LRP12: variants seen among roughly 807,000 people sequenced by gnomAD.
LRP12 encodes LDL receptor related protein 12, also known as low-density lipoprotein receptor-related protein 12.
In LRP12, 14 loss-of-function variants were observed where a neutral mutation model predicts 66.0. The ratio of observed to expected loss-of-function variants is 0.21; its 90% confidence interval spans 0.14 to 0.33. The LOEUF (loss-of-function observed/expected upper bound fraction) is 0.33, where lower values mean the gene tolerates loss of function less well. LRP12 is among the 10% of genes least tolerant of loss of function. The probability of loss-of-function intolerance (pLI) is 1.00; values close to 1 mark genes in which losing one functional copy is unlikely to be tolerated. For missense variants in LRP12, 889 were observed against 1,053.4 expected, an observed-to-expected ratio of 0.84 and a Z score of 2.16; for synonymous variants, 357 against 359.1, an observed-to-expected ratio of 0.99 and a Z score of 0.07.
Position 104,497,769 on chromosome 8 carries a change from T to C in LRP12, c.783A>G (p.Gln261=), listed in dbSNP as rs1564129302. The change falls in exon 5 of 7, where the codon CAA becomes CAG. Residue 261 remains glutamine, a synonymous_variant. Coordinates refer to ENST00000276654, the MANE Select transcript of LRP12 (RefSeq NM_013437.5). The surrounding 1 kb of genome is among the most constrained non-coding windows in gnomAD (Gnocchi z 4.3). ...EIDCDVPTCG[Q]WLKYFYGTFN... Reference sequence around the variant, plus strand: ...AAGTACCATAAAAATATTTTAGCCATTGCCCACATGTTGGCACATCACAGT... The same window carrying C: ...AAGTACCATAAAAATATTTTAGCCACTGCCCACATGTTGGCACATCACAGT... 1.2e-6 allele frequency: 2 copies of C among 1,613,994 alleles called. No individual in the cohort carries two copies. Among genetic ancestry groups the C allele is most frequent in the Non-Finnish European group, 1.7e-6 (2 of 1,179,960 alleles).
intron 5 of LRP12, chr8:104,495,933 A>G (rs1300153278): frequency 3.6e-5 from 4 of 112,536 alleles, no homozygotes; most frequent in East Asian, 2.2e-4. Flanking sequence ...AACAAACAAC[A>G]AAAAAAAAAA....
intron 1 of LRP12, among the ~76,000 whole-genome samples, chr8:104,548,274 T>TCG (rs1811646840): frequency 1.1e-5 from 1 of 89,360 alleles, no homozygotes; most frequent in Non-Finnish European, 1.8e-5. Context: ...ATGATATATA[T>TCG]TATATTAATA....
chr8:104,584,114 T>C (rs924330494), intron 1 of LRP12, among the ~76,000 whole-genome samples: 1 of 152,024 alleles, frequency 6.6e-6, no homozygotes, highest in African/African-American at 2.4e-5. Context: ...GTACATCTAT[T>C]ACTTAACTCT....
rs537478083 is a variant in LRP12, at chr8:104,550,462, T to C, written c.80-18499A>G. Among the ~76,000 whole-genome samples, 4 of 152,314 alleles carry C rather than the reference T, an allele frequency of 2.6e-5. No homozygotes were observed. The South Asian group carries it at 8.3e-4, about 32-fold the overall frequency. On this transcript the variant is annotated intron_variant, in intron 1 of 6. Transcript: ENST00000276654. ...CTTTTAACTTTCTACTGTACAGTTT[T>C]GCCTTAATGTCCTAGGTATCTCAAA... is the stretch of plus-strand genomic sequence containing the variant.
chr8:104,500,377 T>G (rs1810807034), intron 3 of LRP12, among the ~76,000 whole-genome samples: 1 of 152,212 alleles, frequency 6.6e-6, no homozygotes, highest in East Asian at 1.9e-4. Flanking sequence ...ATAGACAATT[T>G]GATTGTTTCC....
At chr8:104,515,253 C>G (rs1350453878) in intron 2 of LRP12, among the ~76,000 whole-genome samples, 1 of 152,172 alleles carries the variant, frequency 6.6e-6, no homozygotes, top group Non-Finnish European at 1.5e-5. Flanking sequence ...CATACCTTTT[C>G]TATTGCTTAA....
At chr8:104,541,518 C>T (rs981380746) in intron 1 of LRP12, among the ~76,000 whole-genome samples, 3 of 152,154 alleles carry the variant, frequency 2.0e-5, no homozygotes, top group African/African-American at 7.2e-5. Flanking sequence ...TTTTATATCA[C>T]GAACTTCATC....
At chr8:104,531,792 C>T in intron 2 of LRP12, 115 bp downstream of exon 2, 1 of 703,556 alleles carries the variant, frequency 1.4e-6, no homozygotes, top group Non-Finnish European at 2.5e-6. Flanking sequence ...TTACATGCTG[C>T]AAAAAGCAGT....
chr8:104,537,498 G>A (rs759305800), intron 1 of LRP12, among the ~76,000 whole-genome samples: 3 of 152,086 alleles, frequency 2.0e-5, no homozygotes, highest in African/African-American at 7.2e-5. Context: ...GCAAGAGAGA[G>A]CTCCAAAGTG....
intron 1 of LRP12, among the ~76,000 whole-genome samples, chr8:104,548,615 T>TTAATTATATAATTATTATATAATTAAAG (rs1811674736): frequency 9.0e-6 from 1 of 110,526 alleles, no homozygotes; most frequent in African/African-American, 4.2e-5. Flanking sequence ...TATAATTAAA[T>TTAATTATATAATTATTATATAATTAAAG]TAATTATATA....
chr8:104,530,137 G>A (rs1811303719), intron 2 of LRP12, among the ~76,000 whole-genome samples: 1 of 152,088 alleles, frequency 6.6e-6, no homozygotes, highest in Non-Finnish European at 1.5e-5. Flanking sequence ...ATAGGTTACT[G>A]TTATTTTTAA....
chr8:104,552,299 C>T (rs1322729141), intron 1 of LRP12, among the ~76,000 whole-genome samples: 3 of 151,744 alleles, frequency 2.0e-5, no homozygotes, highest in Non-Finnish European at 2.9e-5. Flanking sequence ...CATTTTTGAT[C>T]TTCAGTGACT....
rs192743575 is a variant in LRP12 at position 104,525,992 on chromosome 8, C to T, written c.136+5915G>A. Among the ~76,000 whole-genome samples the T allele has an allele frequency of 7.9e-5, 12 of 152,316 alleles. No individual in the cohort carries two copies. In the East Asian group the frequency reaches 2.3e-3, roughly 29 times the overall value. Reference sequence around the variant, plus strand: ...AAGCAACTTCAGCAGTCTCACGATACAAAATCAATTGTACAAAAATCACAA... The same window carrying T: ...AAGCAACTTCAGCAGTCTCACGATATAAAATCAATTGTACAAAAATCACAA... On this transcript the variant is annotated intron_variant, in intron 2 of 6. Transcript: ENST00000276654.
chr8:104,525,858 A>G lies in LRP12; in HGVS notation c.136+6049T>C, dbSNP rs531359555. Among the ~76,000 whole-genome samples, 1,172 of 152,292 alleles carry G rather than the reference A, an allele frequency of 7.7e-3. 18 individuals are homozygous for G. The highest frequency in any genetic ancestry group is 0.027 in the African/African-American group (1,103 of 41,554). ...GCAATTAGGCAGGAGAAGGAAAAAAAGGGTATTCAATTAGGAAAAGAGGAA... is the reference window on the plus strand; with the variant it reads ...GCAATTAGGCAGGAGAAGGAAAAAAGGGGTATTCAATTAGGAAAAGAGGAA... On this transcript the variant is annotated intron_variant, in intron 2 of 6. Transcript: ENST00000276654.
intron 2 of LRP12, among the ~76,000 whole-genome samples, chr8:104,519,895 C>T (rs376157732): frequency 2.0e-5 from 3 of 151,858 alleles, no homozygotes; most frequent in Non-Finnish European, 1.5e-5. Flanking sequence ...CTTTAAGGAC[C>T]AAAATATTTT....
intron 6 of LRP12, among the ~76,000 whole-genome samples, chr8:104,493,015 T>C (rs1027559229): frequency 3.3e-5 from 5 of 152,200 alleles, no homozygotes; most frequent in Admixed American, 6.5e-5. Context: ...TGTGCTGCTA[T>C]TAGCCATCAA....
intron 1 of LRP12, among the ~76,000 whole-genome samples, chr8:104,534,554 A>G (rs1264421401): frequency 6.6e-6 from 1 of 152,098 alleles, no homozygotes; most frequent in Non-Finnish European, 1.5e-5. Context: ...TAATTATAAC[A>G]TATTAAAATT....
intron 1 of LRP12, among the ~76,000 whole-genome samples, chr8:104,557,059 C>T (rs1811820851): frequency 1.3e-5 from 2 of 152,186 alleles, no homozygotes; most frequent in African/African-American, 4.8e-5. Flanking sequence ...CAAAATACAG[C>T]ATCCCTTTAT....
chr8:104,557,448 A>C (rs1464894409), intron 1 of LRP12, among the ~76,000 whole-genome samples: 1 of 152,010 alleles, frequency 6.6e-6, no homozygotes, highest in Non-Finnish European at 1.5e-5. Context: ...ATACAAATTT[A>C]ATCTACACAA....
Sources: gnomAD v4.1 joint callset for allele counts (sites outside exome capture counted in the v4.1 genomes callset) on GRCh38, gnomAD v4.1.1 for gene constraint, Gnocchi (gnomAD v3.1) non-coding constraint, MANE v1.5 for transcripts, NCBI Gene and HGNC (gene_info 2026-07-23, HGNC 2026-07-21) for gene names.